The following GREB1 variants were observed in gnomAD, a reference collection of about 807,000 sequenced individuals.
GREB1 encodes the protein growth regulating estrogen receptor binding 1, also known as protein GREB1.
GREB1 carries 106 observed loss-of-function variants against 200.7 expected under a neutral mutation model. That is an observed-to-expected ratio of 0.53 (90% CI 0.45 to 0.62). The LOEUF (loss-of-function observed/expected upper bound fraction) is 0.62, where lower values mean the gene tolerates loss of function less well. Among genes scored for constraint, GREB1 ranks in the 20% least tolerant of loss-of-function variants. The probability of loss-of-function intolerance (pLI) is 0.00; values close to 1 mark genes in which losing one functional copy is unlikely to be tolerated. For missense variants in GREB1, 2,243 were observed against 2,556.8 expected (o/e 0.88, Z 2.65); for synonymous variants, 1,132 against 1,092.4 (o/e 1.04, Z -0.72).
intron 26 of GREB1, among the ~76,000 whole-genome samples, chr2:11,631,610 G>A (rs1244147348): frequency 6.6e-6 from 1 of 152,152 alleles, no homozygotes; most frequent in Non-Finnish European, 1.5e-5. Context: ...GGCCTCAGCT[G>A]GGCTGTTCAG....
chr2:11,525,096 C>T (rs1164121314), intron 1 of GREB1, among the ~76,000 whole-genome samples: 1 of 152,142 alleles, frequency 6.6e-6, no homozygotes, highest in Non-Finnish European at 1.5e-5. Context: ...TGGGTTAAGC[C>T]ATTGTGGTTG....
At chr2:11,576,559 G>T in intron 5 of GREB1, 24 bp downstream of exon 5, 2 of 1,595,640 alleles carry the variant, frequency 1.3e-6, no homozygotes, top group Non-Finnish European at 1.7e-6. Flanking sequence ...CTGTGGAGGA[G>T]GTATGGGAGT....
At chr2:11,519,757 G>A (rs1006759027) in intron 1 of GREB1, among the ~76,000 whole-genome samples, 4 of 152,058 alleles carry the variant, frequency 2.6e-5, no homozygotes, top group African/African-American at 7.2e-5. Context: ...TGCCCAGCCT[G>A]ATTACTTGCT....
Position 11,630,107 on chromosome 2 carries a change from A to G in GREB1, c.4609A>G (p.Lys1537Glu), listed in dbSNP as rs1433348915. 1 of 1,614,126 alleles carries G rather than the reference A, an allele frequency of 6.2e-7. No individual in the cohort carries two copies. Among genetic ancestry groups the G allele is most frequent in the South Asian group, 1.1e-5 (1 of 91,076 alleles). The change falls in exon 26 of 33, where the codon AAG becomes GAG. Residue 1537 changes from lysine (K) to glutamate (E), a missense_variant and splice_region_variant. Physicochemically the swap from Lys to Glu is moderately conservative, Grantham distance 56. Around this residue, in one of 3 missense-constraint regions of GREB1, gnomAD observed 478 missense variants for 616.3 expected, o/e 0.78. Transcript: ENST00000381486. ...ESMRLPLVTD[K>E]SHEYIKSPTF... is the part of the protein sequence containing the mutation. ...CATGCGACTACCCCTCGTGACAGAC[A>G]AGGTACTGGCTCAGAGACCTAGTGG...
intron 20 of GREB1, among the ~76,000 whole-genome samples, 189 bp from the exon 21 acceptor site, chr2:11,616,442 G>C (rs997612363): frequency 6.6e-6 from 1 of 152,224 alleles, no homozygotes; most frequent in Admixed American, 6.5e-5. Context: ...GTGCCTCCCT[G>C]CACTGCAGCC....
chr2:11,575,120 T>A (rs1678708434), intron 4 of GREB1, among the ~76,000 whole-genome samples: 1 of 152,200 alleles, frequency 6.6e-6, no homozygotes, highest in South Asian at 2.1e-4. Flanking sequence ...GAAACTGTTT[T>A]AGAGCAGAGT....
At chr2:11,613,444 G>T (rs1683115034) in intron 19 of GREB1, among the ~76,000 whole-genome samples, 1 of 152,082 alleles carries the variant, frequency 6.6e-6, no homozygotes, top group South Asian at 2.1e-4. Context: ...CCTTAATCCT[G>T]GGGGAAAGGT....
chr2:11,552,535 T>A (rs886970715), intron 1 of GREB1, among the ~76,000 whole-genome samples: 1 of 152,186 alleles, frequency 6.6e-6, no homozygotes, highest in Non-Finnish European at 1.5e-5. Context: ...ACTGGTCAAA[T>A]GACGGATTCC....
chr2:11,612,351 T>G, intron 18 of GREB1, 144 bp from the exon 19 acceptor site: 1 of 1,405,110 alleles, frequency 7.1e-7, no homozygotes, highest in South Asian at 1.5e-5. Context: ...GTGTGCTTAT[T>G]TGCAGTCTAA....
At chr2:11,613,264 A>G (rs1683103660) in intron 19 of GREB1, among the ~76,000 whole-genome samples, 1 of 152,118 alleles carries the variant, frequency 6.6e-6, no homozygotes, top group South Asian at 2.1e-4. Context: ...GCCTCCTGTA[A>G]GGCAGTTTCT....
At chr2:11,558,748 C>G (rs1385146058) in intron 2 of GREB1, among the ~76,000 whole-genome samples, 1 of 152,182 alleles carries the variant, frequency 6.6e-6, no homozygotes, top group African/African-American at 2.4e-5. Flanking sequence ...CTCGTAGTGT[C>G]TGTTTGTCGG....
intron 1 of GREB1, among the ~76,000 whole-genome samples, chr2:11,520,713 A>C (rs1467825056): frequency 2.6e-5 from 4 of 152,168 alleles, no homozygotes; most frequent in African/African-American, 9.7e-5. Context: ...TGTGCTCCCC[A>C]GGTAGTCCAG....
chr2:11,606,161 A>C (rs1328180211), intron 17 of GREB1, among the ~76,000 whole-genome samples: 1 of 152,254 alleles, frequency 6.6e-6, no homozygotes, highest in Non-Finnish European at 1.5e-5. Flanking sequence ...AGCAAAAGTC[A>C]ACTTTCCATG....
intron 1 of GREB1, among the ~76,000 whole-genome samples, chr2:11,523,525 C>T (rs73189353): frequency 0.061 from 9,222 of 152,166 alleles, 1,013 homozygotes; most frequent in African/African-American, 0.21. Flanking sequence ...GCTTCTGTAA[C>T]GTGTGTCTTT....
At chr2:11,539,567 C>G (rs987463632) in intron 1 of GREB1, among the ~76,000 whole-genome samples, 1 of 152,216 alleles carries the variant, frequency 6.6e-6, no homozygotes, top group Non-Finnish European at 1.5e-5. Context: ...ACCCTTTGTT[C>G]TTTGCACAGC....
rs368618248 is a variant in GREB1, at chr2:11,561,361, AT to A, written c.158-1083del. 8.6e-3 allele frequency: 957 copies of A among 110,650 alleles called. 16 individuals carry two copies. Among genetic ancestry groups the A allele is most frequent in the African/African-American group, 0.016 (437 of 28,090 alleles). 6.9% of individuals were successfully genotyped at this position (110,650 alleles called of 1,614,324 possible). ...TTACATGCATTCTTCCCTTGGGGAT[AT>A]TTTTTTTTTTTTTTTTTTGAGACGG... On this transcript the variant is annotated intron_variant, in intron 2 of 32. Coordinates refer to ENST00000381486, the MANE Select transcript of GREB1 (RefSeq NM_014668.4).
chr2:11,520,129 C>A (rs1042708845), intron 1 of GREB1, among the ~76,000 whole-genome samples: 1 of 152,110 alleles, frequency 6.6e-6, no homozygotes, highest in African/African-American at 2.4e-5. Flanking sequence ...CAGAGTGAGA[C>A]CCTGTCCCCT....
chr2:11,618,162 ATGGG>A, intron 21 of GREB1, 122 bp from the exon 22 acceptor site: 1 of 776,298 alleles, frequency 1.3e-6, no homozygotes, highest in Admixed American at 3.5e-5. Flanking sequence ...CACTCCTGGG[ATGGG>A]TGACTCCTGG....
Position 11,556,490 on chromosome 2 carries a change from C to A in GREB1, c.-125C>A. 1 of 723,026 alleles carries A rather than the reference C, an allele frequency of 1.4e-6. No homozygotes were observed. Among genetic ancestry groups the A allele is most frequent in the Non-Finnish European group, 2.3e-6 (1 of 440,186 alleles). The allele number at this position is 723,026 out of a possible 1,614,324, so 44.8% of individuals were successfully genotyped here. ...GAGGACAGCCACCCTTTCTTCGTCT[C>A]TGCTGAGCGAAGGCTACACGGCCCT... On this transcript the variant is annotated 5_prime_UTR_variant, in exon 2 of 33. It adds an upstream start codon to the 5' untranslated region. Coordinates refer to ENST00000381486, the MANE Select transcript of GREB1 (RefSeq NM_014668.4).
Sources: gnomAD v4.1 joint callset for allele counts (sites outside exome capture counted in the v4.1 genomes callset) on GRCh38, gnomAD v4.1.1 for gene constraint, gnomAD v4.1.1 regional missense constraint, MANE v1.5 for transcripts, NCBI Gene and HGNC (gene_info 2026-07-23, HGNC 2026-07-21) for gene names.